Variants in SDK1 observed in about 807,000 individuals in gnomAD.
SDK1 encodes sidekick cell adhesion molecule 1.
SDK1 carries 157 observed loss-of-function variants against 245.5 expected under a neutral mutation model. The observed-to-expected ratio is 0.64, with a 90% CI of 0.56 to 0.73. The LOEUF (loss-of-function observed/expected upper bound fraction) is 0.73. SDK1 is among the 30% of genes least tolerant of loss of function. The probability of loss-of-function intolerance (pLI) is 0.00; values close to 1 mark genes in which losing one functional copy is unlikely to be tolerated. For synonymous variants in SDK1, 1,647 were observed against 1,278.5 expected, an observed-to-expected ratio of 1.29 and a Z score of -6.15; for missense variants, 3,583 against 3,002.3, an observed-to-expected ratio of 1.19 and a Z score of -4.52.
Position 3,431,390 on chromosome 7 carries a change from T to A in SDK1, c.298+129506T>A, listed in dbSNP as rs576338060. Among the ~76,000 whole-genome samples the A allele has an allele frequency of 8.7e-3, 1,144 of 131,860 alleles. 13 individuals are homozygous for A. The highest frequency in any genetic ancestry group is 0.028 in the Middle Eastern group (7 of 248). 86.5% of individuals were successfully genotyped at this position (131,860 alleles called of 152,430 possible). ...TTTTTTTTTTTTTTTTTAAAGCAAATTCATTTTACTTAGCCAGAATCCTAA... is the reference window on the plus strand; with the variant it reads ...TTTTTTTTTTTTTTTTTAAAGCAAAATCATTTTACTTAGCCAGAATCCTAA... On this transcript the variant is annotated intron_variant, in intron 1 of 44. Coordinates refer to ENST00000404826, the MANE Select transcript of SDK1 (RefSeq NM_152744.4).
chr7:3,847,848 T>C (rs1300794048), intron 5 of SDK1, among the ~76,000 whole-genome samples: 2 of 152,248 alleles, frequency 1.3e-5, no homozygotes, highest in Non-Finnish European at 2.9e-5. Flanking sequence ...TTCAAAAGTA[T>C]GTGGAAAACA....
At chr7:3,340,454 A>G (rs910146495) in intron 1 of SDK1, among the ~76,000 whole-genome samples, 8 of 152,132 alleles carry the variant, frequency 5.3e-5, no homozygotes, top group African/African-American at 1.9e-4. Context: ...TTCAATTTGT[A>G]AAAAAACAAG....
intron 5 of SDK1, among the ~76,000 whole-genome samples, chr7:3,924,584 T>C (rs1383907978): frequency 6.6e-6 from 1 of 152,184 alleles, no homozygotes; most frequent in Non-Finnish European, 1.5e-5. Flanking sequence ...TTATCATCTG[T>C]TACCAGTGAC....
chr7:3,707,674 T>A (rs867507115), intron 4 of SDK1, among the ~76,000 whole-genome samples: 1 of 152,154 alleles, frequency 6.6e-6, no homozygotes, highest in Non-Finnish European at 1.5e-5. Context: ...TTATCGTGTT[T>A]CTGTTTATCT....
intron 1 of SDK1, among the ~76,000 whole-genome samples, chr7:3,364,509 T>C (rs904189834): frequency 6.6e-6 from 1 of 152,246 alleles, no homozygotes; most frequent in Non-Finnish European, 1.5e-5. Context: ...GATATGCAAT[T>C]GCTCCTGCAC....
intron 13 of SDK1, among the ~76,000 whole-genome samples, chr7:3,981,826 TC>T (rs1437232862): frequency 1.3e-5 from 2 of 152,094 alleles, no homozygotes; most frequent in Non-Finnish European, 2.9e-5. Flanking sequence ...AAAGATGCCG[TC>T]CCCATAACAT....
chr7:4,049,561 G>T, intron 18 of SDK1, 98 bp downstream of exon 18: 1 of 891,914 alleles, frequency 1.1e-6, no homozygotes, highest in South Asian at 1.4e-5. Flanking sequence ...TCAAGAGCTG[G>T]TTGCATTAAG....
intron 1 of SDK1, among the ~76,000 whole-genome samples, chr7:3,479,033 G>A (rs570200802): frequency 6.6e-6 from 1 of 152,296 alleles, no homozygotes; most frequent in African/African-American, 2.4e-5. Context: ...GACTTGAGGT[G>A]TATTAAACTG....
At position 3,987,242 on chromosome 7, in the gene SDK1, A is replaced by T; in HGVS notation, c.2051A>T (p.His684Leu). The change falls in exon 14 of 45, where the codon CAC (histidine) becomes CTC (leucine). Residue 684 changes from histidine (H) to leucine (L), a missense_variant. Physicochemically the swap from His to Leu is moderately conservative, Grantham distance 99. Transcript: ENST00000404826. Reference protein sequence around the residue: ...LLVSPNSSHSHAVVLSWVRPF... With the variant: ...LLVSPNSSHSLAVVLSWVRPF... The stretch of plus-strand genomic sequence containing the variant: ...GTCAGCCCTAATTCTTCCCACAGCC[A>T]CGCCGTGGTGCTCTCTTGGGTCCGG... The T allele has an allele frequency of 6.2e-7, 1 of 1,613,812 alleles. No individual in the cohort carries two copies. The highest frequency in any genetic ancestry group is 8.5e-7 in the Non-Finnish European group (1 of 1,179,698).
At chr7:3,467,946 CATAT>C (rs1238021101) in intron 1 of SDK1, among the ~76,000 whole-genome samples, 2 of 150,668 alleles carry the variant, frequency 1.3e-5, no homozygotes, top group Non-Finnish European at 3.0e-5. Flanking sequence ...TTCTAATTAT[CATAT>C]ATAGGTGATG....
At chr7:4,163,022 G>C (rs965465595) in intron 32 of SDK1, among the ~76,000 whole-genome samples, 3 of 152,224 alleles carry the variant, frequency 2.0e-5, no homozygotes, top group African/African-American at 7.2e-5. Context: ...CAGATGTTGA[G>C]TTTCCCCAGG....
In SDK1 at chr7:4,061,597, A is replaced by G. The variant is rs200585745; in HGVS notation, c.2912-6241A>G. On this transcript the variant is annotated intron_variant, in intron 19 of 44. Transcript: ENST00000404826. Reference sequence around the variant, plus strand: ...GGCGATTCCTCAGGGATCTAGGACTAGAAATACCATTTGACCCAGCCATCC... The same window carrying G: ...GGCGATTCCTCAGGGATCTAGGACTGGAAATACCATTTGACCCAGCCATCC... Among the ~76,000 whole-genome samples the G allele has an allele frequency of 2.7e-4, 41 of 152,280 alleles. 1 individual carries two copies. In the East Asian group the frequency reaches 7.5e-3, roughly 28 times the overall value.
At chr7:3,661,365 T>G (rs10279369) in intron 4 of SDK1, among the ~76,000 whole-genome samples, 53,384 of 152,096 alleles carry the variant, frequency 0.35, 10,116 homozygotes, top group African/African-American at 0.48. Context: ...ACAGTACTTG[T>G]GCTAATTAAA....
chr7:3,970,021 A>C (rs1459648112), intron 11 of SDK1, among the ~76,000 whole-genome samples: 1 of 152,246 alleles, frequency 6.6e-6, no homozygotes, highest in Non-Finnish European at 1.5e-5. Flanking sequence ...TTGGAAATGC[A>C]GAGTAGTTTT....
chr7:4,237,877 G>A (rs1786278944), intron 42 of SDK1, 93 bp downstream of exon 42: 4 of 1,442,794 alleles, frequency 2.8e-6, no homozygotes, highest in Non-Finnish European at 2.9e-6. Flanking sequence ...GCCCGTGTCT[G>A]CTTTTCCATT....
At chr7:3,542,746 CTT>C (rs1415887960) in intron 1 of SDK1, among the ~76,000 whole-genome samples, 2 of 152,008 alleles carry the variant, frequency 1.3e-5, no homozygotes, top group East Asian at 3.9e-4. Context: ...TGGTTTTATT[CTT>C]TGATTACTAG....
intron 4 of SDK1, among the ~76,000 whole-genome samples, chr7:3,810,969 G>A (rs1471214742): frequency 1.3e-5 from 2 of 152,150 alleles, no homozygotes; most frequent in Non-Finnish European, 2.9e-5. Context: ...TTCAGTGACC[G>A]AGCTGTGTTT....
At chr7:3,611,054 C>A (rs1004508275) in intron 1 of SDK1, among the ~76,000 whole-genome samples, 1 of 152,120 alleles carries the variant, frequency 6.6e-6, no homozygotes, top group Non-Finnish European at 1.5e-5. Flanking sequence ...ATTGTAGCTG[C>A]CTTTCATCCT....
chr7:3,936,507 C>T (rs1780164571), intron 5 of SDK1, among the ~76,000 whole-genome samples: 1 of 151,862 alleles, frequency 6.6e-6, no homozygotes, highest in Non-Finnish European at 1.5e-5. Flanking sequence ...AACACGTGAA[C>T]CCGTGAGGTG....
Sources: allele counts gnomAD v4.1 joint callset (sites outside exome capture counted in the v4.1 genomes callset), GRCh38; gene constraint gnomAD v4.1.1; transcripts MANE v1.5; gene names NCBI Gene and HGNC (gene_info 2026-07-23, HGNC 2026-07-21).